BICC1: variants seen among roughly 807,000 people sequenced by gnomAD.
BICC1 encodes protein bicaudal C homolog 1.
BICC1 carries 43 observed loss-of-function variants against 111.0 expected under a neutral mutation model. That is an observed-to-expected ratio of 0.39 (90% CI 0.30 to 0.50). The LOEUF (loss-of-function observed/expected upper bound fraction) is 0.50, where lower values mean the gene tolerates loss of function less well. Ranked by LOEUF, BICC1 falls within the 20% of genes least tolerant of loss-of-function variation. The pLI is 0.88. For missense variants in BICC1, 1,091 were observed against 1,203.2 expected, an observed-to-expected ratio of 0.91 and a Z score of 1.38; for synonymous variants, 467 against 434.4, an observed-to-expected ratio of 1.07 and a Z score of -0.93.
At chr10:58,614,957 T>G (rs1845551590) in intron 1 of BICC1, among the ~76,000 whole-genome samples, 1 of 152,184 alleles carries the variant, frequency 6.6e-6, no homozygotes, top group South Asian at 2.1e-4. Context: ...AGATATTTTT[T>G]TGAATCTCCA....
At chr10:58,789,594 C>T (rs1843113927) in intron 7 of BICC1, 88 bp from the exon 8 acceptor site, 1 of 1,542,678 alleles carries the variant, frequency 6.5e-7, no homozygotes. Context: ...CTGTATTTTT[C>T]CATAGCTGTT....
intron 1 of BICC1, among the ~76,000 whole-genome samples, chr10:58,597,415 T>C (rs1331986863): frequency 2.0e-5 from 3 of 152,056 alleles, no homozygotes; most frequent in Non-Finnish European, 4.4e-5. Flanking sequence ...GCAGAACTAC[T>C]GATAAGGGTC....
intron 3 of BICC1, among the ~76,000 whole-genome samples, chr10:58,721,825 A>G (rs1020017643): frequency 6.6e-6 from 1 of 152,184 alleles, no homozygotes; most frequent in African/African-American, 2.4e-5. Flanking sequence ...GGCTATTGGC[A>G]ACTATGATGT....
chr10:58,660,796 GA>G (rs1838818688), intron 2 of BICC1, among the ~76,000 whole-genome samples: 1 of 152,138 alleles, frequency 6.6e-6, no homozygotes, highest in Admixed American at 6.5e-5. Context: ...AGAGAAAAGG[GA>G]AAGAGAAAGT....
chr10:58,595,306 C>T lies in BICC1; in HGVS notation c.191-25549C>T, dbSNP rs192034849. ...CTACTGTCAATATTAGACAGATCAACGAGACAGAAAATTAACAAGGATATT... is the reference window on the plus strand; with the variant it reads ...CTACTGTCAATATTAGACAGATCAATGAGACAGAAAATTAACAAGGATATT... On this transcript the variant is annotated intron_variant, in intron 1 of 20. Transcript: ENST00000373886. Among the ~76,000 whole-genome samples the T allele has an allele frequency of 1.1e-3, 162 of 152,200 alleles. 1 individual carries two copies. The highest frequency in any genetic ancestry group is 3.7e-3 in the African/African-American group (152 of 41,530).
intron 1 of BICC1, among the ~76,000 whole-genome samples, chr10:58,529,691 GA>G (rs1156920044): frequency 1.3e-5 from 2 of 151,612 alleles, no homozygotes; most frequent in Non-Finnish European, 2.9e-5. Flanking sequence ...TTTTATATGG[GA>G]AAAGAAAACC....
intron 18 of BICC1, among the ~76,000 whole-genome samples, chr10:58,814,657 G>T (rs1053753801): frequency 1.3e-4 from 20 of 151,328 alleles, no homozygotes; most frequent in African/African-American, 4.9e-4. Flanking sequence ...TGGGTGTGGT[G>T]GTATGCATGC....
intron 2 of BICC1, among the ~76,000 whole-genome samples, chr10:58,700,968 G>A (rs1057092696): frequency 2.0e-5 from 3 of 152,076 alleles, no homozygotes; most frequent in Admixed American, 1.3e-4. Flanking sequence ...TGCATCTGTG[G>A]GCTTACAGTC....
intron 1 of BICC1, among the ~76,000 whole-genome samples, chr10:58,527,599 A>T (rs969468860): frequency 1.3e-5 from 2 of 149,422 alleles, no homozygotes; most frequent in African/African-American, 4.9e-5. Context: ...TAGTTTTTGT[A>T]TAAGGTGTAA....
intron 1 of BICC1, among the ~76,000 whole-genome samples, chr10:58,550,212 G>C (rs2131911298): frequency 6.6e-6 from 1 of 152,042 alleles, no homozygotes; most frequent in African/African-American, 2.4e-5. Flanking sequence ...TGTAGAGACG[G>C]GGTTTTGCTA....
chr10:58,774,863 C>T (rs1480279884), intron 3 of BICC1, among the ~76,000 whole-genome samples: 1 of 152,102 alleles, frequency 6.6e-6, no homozygotes, highest in African/African-American at 2.4e-5. Flanking sequence ...TTATCCATGT[C>T]TTTTGCCCAT....
intron 2 of BICC1, among the ~76,000 whole-genome samples, chr10:58,677,815 C>G (rs1161629445): frequency 1.3e-5 from 2 of 152,174 alleles, no homozygotes; most frequent in Non-Finnish European, 2.9e-5. Context: ...GGGTTACCCA[C>G]AAAGAGAAGC....
chr10:58,550,115 A>G (rs1277348829), intron 1 of BICC1, among the ~76,000 whole-genome samples: 1 of 152,102 alleles, frequency 6.6e-6, no homozygotes, highest in African/African-American at 2.4e-5. Flanking sequence ...TCCTGGGCTC[A>G]AGTAATCCTC....
At chr10:58,600,050 A>G (rs1844976305) in intron 1 of BICC1, among the ~76,000 whole-genome samples, 1 of 151,856 alleles carries the variant, frequency 6.6e-6, no homozygotes, top group Non-Finnish European at 1.5e-5. Context: ...AATGCATCCC[A>G]CTGATGCTCA....
At chr10:58,663,712 A>G (rs985054358) in intron 2 of BICC1, among the ~76,000 whole-genome samples, 3 of 152,196 alleles carry the variant, frequency 2.0e-5, no homozygotes, top group Non-Finnish European at 4.4e-5. Context: ...GGACAGTTTC[A>G]TCCCGAAACC....
chr10:58,827,107 G>A (rs140433458), intron 20 of BICC1, among the ~76,000 whole-genome samples: 176 of 152,266 alleles, frequency 1.2e-3, no homozygotes, highest in South Asian at 1.9e-3. Flanking sequence ...CATCAGAGTC[G>A]TCAAACTAGT....
rs1844304989 is a variant in BICC1, at chr10:58,823,317, C to G, written c.2794+2849C>G. On this transcript the variant is annotated intron_variant, in intron 20 of 20. Coordinates refer to ENST00000373886, the MANE Select transcript of BICC1 (RefSeq NM_001080512.3). ...TTCAAAGAAAAAGGTTGGTATTTTCCCAAACCATCCCGTAGGCTTACTGAA... is the reference window on the plus strand; with the variant it reads ...TTCAAAGAAAAAGGTTGGTATTTTCGCAAACCATCCCGTAGGCTTACTGAA... The G allele has an allele frequency of 4.1e-6, 4 of 985,064 alleles. No individual in the cohort carries two copies. In the South Asian group the frequency reaches 1.9e-4, roughly 46 times the overall value. 61.0% of individuals were successfully genotyped at this position (985,064 alleles called of 1,614,324 possible).
intron 1 of BICC1, among the ~76,000 whole-genome samples, chr10:58,550,211 G>A (rs1290314124): frequency 6.6e-6 from 1 of 151,926 alleles, no homozygotes; most frequent in East Asian, 1.9e-4. Flanking sequence ...TTGTAGAGAC[G>A]GGGTTTTGCT....
chr10:58,632,140 A>G (rs1837812019), intron 2 of BICC1, among the ~76,000 whole-genome samples: 1 of 152,204 alleles, frequency 6.6e-6, no homozygotes, highest in Non-Finnish European at 1.5e-5. Flanking sequence ...TTCATATATT[A>G]ATATGATGGG....
Sources: gnomAD v4.1 joint callset for allele counts (sites outside exome capture counted in the v4.1 genomes callset) on GRCh38, gnomAD v4.1.1 for gene constraint, MANE v1.5 for transcripts, NCBI Gene and HGNC (gene_info 2026-07-23, HGNC 2026-07-21) for gene names.